FBXL5: variants seen among roughly 807,000 people sequenced by gnomAD.
FBXL5 encodes F-box/LRR-repeat protein 5.
A neutral mutation model predicts 78.3 loss-of-function variants in FBXL5; 26 were observed. The observed-to-expected ratio is 0.33, with a 90% confidence interval of 0.24 to 0.46. The LOEUF (loss-of-function observed/expected upper bound fraction) is 0.46, where lower values mean the gene tolerates loss of function less well. FBXL5 is among the 20% of genes least tolerant of loss of function. The pLI is 1.00. For synonymous variants in FBXL5, 295 were observed against 282.5 expected (o/e 1.04, Z -0.45); for missense variants, 710 against 829.2 (o/e 0.86, Z 1.77).
At chr4:15,666,853 T>C (rs578236871) in intron 1 of FBXL5, among the ~76,000 whole-genome samples, 7 of 151,536 alleles carry the variant, frequency 4.6e-5, no homozygotes, top group African/African-American at 1.7e-4. Flanking sequence ...TAAGAGTAAA[T>C]TTCAAATGTC....
At chr4:15,647,737 T>C (rs1715519799) in intron 1 of FBXL5, among the ~76,000 whole-genome samples, 1 of 152,240 alleles carries the variant, frequency 6.6e-6, no homozygotes, top group South Asian at 2.1e-4. Flanking sequence ...AAGCACTGAC[T>C]CTAGGGCAAG....
At chr4:15,627,743 A>G (rs2148585432) in intron 7 of FBXL5, 142 bp downstream of exon 7, 2 of 640,994 alleles carry the variant, frequency 3.1e-6, no homozygotes, top group East Asian at 2.7e-5. Context: ...TAAGTAACCT[A>G]GCAGTGTATG....
chr4:15,656,957 G>A (rs1000151274), upstream of FBXL5, among the ~76,000 whole-genome samples: 1 of 150,000 alleles, frequency 6.7e-6, no homozygotes, highest in African/African-American at 2.4e-5. Context: ...TACCCCCAGA[G>A]TCATTGCATT....
chr4:15,646,724 T>C (rs556548978), intron 1 of FBXL5, among the ~76,000 whole-genome samples: 1 of 117,714 alleles, frequency 8.5e-6, no homozygotes, highest in Admixed American at 1.1e-4. Flanking sequence ...GGCCCCGGTG[T>C]GTGATGTTCC....
chr4:15,656,307 C>T (rs548505990), upstream of FBXL5: 7 of 456,224 alleles, frequency 1.5e-5, no homozygotes, highest in African/African-American at 1.2e-4. Flanking sequence ...TCTCTGCTCA[C>T]GCCGGTCAGT....
chr4:15,638,937 G>T (rs984518953), intron 3 of FBXL5, among the ~76,000 whole-genome samples: 2 of 152,126 alleles, frequency 1.3e-5, no homozygotes, highest in African/African-American at 2.4e-5. Context: ...AGCCAAGGCG[G>T]GTAGGTCACC....
intron 1 of FBXL5, among the ~76,000 whole-genome samples, chr4:15,680,974 T>C (rs1422743942): frequency 2.1e-5 from 3 of 143,700 alleles, no homozygotes; most frequent in Non-Finnish European, 4.6e-5. Flanking sequence ...TATATATAAA[T>C]ATATATCTCA....
At chr4:15,630,813 A>C in intron 5 of FBXL5, 22 bp from the exon 6 acceptor site, 1 of 1,611,440 alleles carries the variant, frequency 6.2e-7, no homozygotes, top group Non-Finnish European at 8.5e-7. Context: ...ATAAACAAGT[A>C]AAAGGTTCAA....
At chr4:15,652,937 A>C (rs1405987776) in intron 1 of FBXL5, among the ~76,000 whole-genome samples, 1 of 152,210 alleles carries the variant, frequency 6.6e-6, no homozygotes, top group Non-Finnish European at 1.5e-5. Flanking sequence ...GCAAAACGTG[A>C]GATGATAAAT....
chr4:15,664,230 C>T (rs924547334), upstream of FBXL5, among the ~76,000 whole-genome samples: 10 of 152,130 alleles, frequency 6.6e-5, no homozygotes, highest in Non-Finnish European at 1.5e-4. Context: ...TAATTCATCC[C>T]TTCTCTGCTT....
At chr4:15,615,888 C>T (rs1711803942) in intron 9 of FBXL5, among the ~76,000 whole-genome samples, 1 of 152,138 alleles carries the variant, frequency 6.6e-6, no homozygotes, top group Non-Finnish European at 1.5e-5. Context: ...AGGTCCCCTT[C>T]CACACTGTGG....
At chr4:15,638,867 A>G (rs1714542540) in intron 3 of FBXL5, among the ~76,000 whole-genome samples, 173 bp from the exon 4 acceptor site, 1 of 152,244 alleles carries the variant, frequency 6.6e-6, no homozygotes, top group Non-Finnish European at 1.5e-5. Context: ...AGAGAAGAGT[A>G]CACCAAGAAG....
At chr4:15,617,869 T>C (rs1292906781) in intron 9 of FBXL5, among the ~76,000 whole-genome samples, 2 of 152,186 alleles carry the variant, frequency 1.3e-5, no homozygotes, top group Non-Finnish European at 2.9e-5. Flanking sequence ...CTGGGATTAA[T>C]ACGTGAGTGA....
chr4:15,621,102 C>T (rs966146387), intron 9 of FBXL5, among the ~76,000 whole-genome samples: 4 of 152,274 alleles, frequency 2.6e-5, no homozygotes, highest in South Asian at 2.1e-4. Context: ...ATTCCTCTAG[C>T]GCCACTGGGT....
intron 5 of FBXL5, among the ~76,000 whole-genome samples, chr4:15,633,162 T>C (rs1055998846): frequency 2.0e-5 from 3 of 152,370 alleles, no homozygotes; most frequent in Non-Finnish European, 4.4e-5. Context: ...CCAAAGTTCA[T>C]ATTTTCCCAA....
chr4:15,627,515 G>A (rs950153992), intron 7 of FBXL5, among the ~76,000 whole-genome samples: 3 of 152,190 alleles, frequency 2.0e-5, no homozygotes, highest in East Asian at 3.9e-4. Context: ...GTAGGAAGTC[G>A]TAATATCCAC....
At chr4:15,648,130 T>C (rs532510981) in intron 1 of FBXL5, among the ~76,000 whole-genome samples, 3 of 152,334 alleles carry the variant, frequency 2.0e-5, no homozygotes, top group Admixed American at 6.5e-5. Flanking sequence ...TTGCTGAGAT[T>C]ATAGGCACAA....
In FBXL5 at chr4:15,625,352, A is replaced by C. The variant is rs1383826244; in HGVS notation, c.1750T>G (p.Leu584Val). The change falls in exon 9 of 11, where the codon TTA (leucine) becomes GTA (valine). Residue 584 changes from leucine to valine, a missense_variant. Physicochemically the swap from Leu to Val is conservative, Grantham distance 32 (BLOSUM62 1). Transcript: ENST00000341285. ...GATTTTTCACTCCCAAAGTAAATTA[A>C]GTCTTTTCCCCTAGGCAATCTAGTC... Reference protein sequence around the residue: ...ARTRLPRGKDLIYFGSEKSDQ... With the variant: ...ARTRLPRGKDVIYFGSEKSDQ... 6.2e-7 allele frequency: 1 copy of C among 1,614,220 alleles called. No individual in the cohort carries two copies. Among genetic ancestry groups the C allele is most frequent in the Non-Finnish European group, 8.5e-7 (1 of 1,180,034 alleles).
chr4:15,636,282 ATT>A (rs1244054599), intron 5 of FBXL5: 1 of 402,658 alleles, frequency 2.5e-6, no homozygotes, highest in Non-Finnish European at 4.4e-6. Flanking sequence ...TATTTTCCTA[ATT>A]TTTTTTAATT....
Sources: gnomAD v4.1 joint callset for allele counts (sites outside exome capture counted in the v4.1 genomes callset) on GRCh38, gnomAD v4.1.1 for gene constraint, MANE v1.5 for transcripts, NCBI Gene and HGNC (gene_info 2026-07-23, HGNC 2026-07-21) for gene names.